DNM3: variants seen among roughly 807,000 people sequenced by gnomAD.
DNM3 encodes the protein dynamin-3.
A neutral mutation model predicts 101.6 loss-of-function variants in DNM3; 47 were observed. That is an observed-to-expected ratio of 0.46 (90% CI 0.37 to 0.59). The LOEUF is 0.59. Ranked by LOEUF, DNM3 falls within the 20% of genes least tolerant of loss-of-function variation. The pLI is 0.00. For synonymous variants in DNM3, 385 were observed against 387.9 expected (o/e 0.99, Z 0.09); for missense variants, 849 against 1,085.7 (o/e 0.78, Z 3.06).
intron 2 of DNM3, among the ~76,000 whole-genome samples, chr1:171,973,900 C>T (rs1395574419): frequency 1.3e-5 from 2 of 151,958 alleles, no homozygotes; most frequent in East Asian, 3.9e-4. Context: ...CCTGAGCTCA[C>T]GTGATCCTCC....
rs187497237 is a variant in DNM3, at chr1:172,080,574, G to A, written c.1423-1258G>A. Among the ~76,000 whole-genome samples, 315 of 152,298 alleles carry A rather than the reference G, an allele frequency of 2.1e-3. No homozygotes were observed. In the Middle Eastern group the frequency reaches 0.024, roughly 12 times the overall value. ...AGCTTGCTGGGCTTCATGGGGGTGG[G>A]ATCCGCTGACCTAGACCACTTGGCT... is the stretch of plus-strand genomic sequence containing the variant. On this transcript the variant is annotated intron_variant, in intron 11 of 20. Coordinates refer to ENST00000627582, the MANE Select transcript of DNM3 (RefSeq NM_015569.5).
rs1158896932 is a variant in DNM3, at chr1:172,177,548, G to A, written c.1659+46260G>A. Among the ~76,000 whole-genome samples the A allele has an allele frequency of 2.6e-5, 4 of 151,880 alleles. No homozygotes were observed. In the East Asian group the frequency reaches 5.8e-4, roughly 22 times the overall value. On this transcript the variant is annotated intron_variant, in intron 14 of 20. Coordinates refer to ENST00000627582, the MANE Select transcript of DNM3 (RefSeq NM_015569.5). ...AAAACCAAGTTGGATAATTGAAAAT[G>A]TTGAGAAAGAAGTTTAGGATAAAGG...
intron 15 of DNM3, among the ~76,000 whole-genome samples, chr1:172,272,365 T>A (rs184153534): frequency 6.6e-6 from 1 of 152,048 alleles, no homozygotes; most frequent in Admixed American, 6.6e-5. Context: ...TATCCTTAAG[T>A]GAAACTTGCT....
intron 3 of DNM3, among the ~76,000 whole-genome samples, chr1:171,988,540 A>C (rs1197008296): frequency 6.6e-6 from 1 of 152,130 alleles, no homozygotes; most frequent in Non-Finnish European, 1.5e-5. Flanking sequence ...TCTATTAAAA[A>C]AAAAAAATGA....
chr1:171,869,582 A>G (rs2035082796), intron 1 of DNM3, among the ~76,000 whole-genome samples: 2 of 152,152 alleles, frequency 1.3e-5, no homozygotes, highest in Non-Finnish European at 2.9e-5. Flanking sequence ...TAAGCTCTTG[A>G]CCTGAATTTT....
chr1:172,345,445 AT>A (rs2066883589), intron 17 of DNM3, among the ~76,000 whole-genome samples: 1 of 152,320 alleles, frequency 6.6e-6, no homozygotes, highest in Non-Finnish European at 1.5e-5. Flanking sequence ...CTCCTTATTA[AT>A]TTGGCTCCAA....
At chr1:172,105,089 T>C (rs1161942464) in intron 13 of DNM3, among the ~76,000 whole-genome samples, 1 of 152,250 alleles carries the variant, frequency 6.6e-6, no homozygotes, top group Non-Finnish European at 1.5e-5. Context: ...ATTATTATTT[T>C]ATTCCAAAGG....
intron 2 of DNM3, among the ~76,000 whole-genome samples, chr1:171,929,705 C>T (rs1571670436): frequency 1.3e-5 from 2 of 152,180 alleles, no homozygotes; most frequent in Non-Finnish European, 2.9e-5. Flanking sequence ...CCTCTAGGAG[C>T]TCCATCCCAG....
At chr1:172,283,485 G>A (rs192801855) in intron 15 of DNM3, among the ~76,000 whole-genome samples, 2 of 152,182 alleles carry the variant, frequency 1.3e-5, no homozygotes, top group Admixed American at 1.3e-4. Context: ...AGTCAGGCTG[G>A]GCATGGTGGC....
chr1:172,189,795 A>G (rs2059642011), intron 14 of DNM3, among the ~76,000 whole-genome samples: 1 of 151,942 alleles, frequency 6.6e-6, no homozygotes. Flanking sequence ...CAGAAGGTGA[A>G]AGGGGAGCAG....
chr1:172,045,626 G>C (rs2049734345), intron 9 of DNM3, among the ~76,000 whole-genome samples: 1 of 152,116 alleles, frequency 6.6e-6, no homozygotes, highest in African/African-American at 2.4e-5. Flanking sequence ...ACTATGATAA[G>C]AACAAATGAT....
intron 14 of DNM3, among the ~76,000 whole-genome samples, chr1:172,221,328 C>G (rs896149881): frequency 1.3e-5 from 2 of 152,070 alleles, no homozygotes; most frequent in African/African-American, 4.8e-5. Context: ...CCCTCATTAG[C>G]CCTATGACTT....
At chr1:172,258,411 T>A (rs555819610) in intron 15 of DNM3, among the ~76,000 whole-genome samples, 1 of 152,076 alleles carries the variant, frequency 6.6e-6, no homozygotes, top group African/African-American at 2.4e-5. Flanking sequence ...TTTCTCCACA[T>A]CCTCACCGCC....
chr1:172,076,092 C>T (rs1170379754), intron 11 of DNM3, among the ~76,000 whole-genome samples: 3 of 152,084 alleles, frequency 2.0e-5, no homozygotes, highest in Admixed American at 6.5e-5. Flanking sequence ...AATGGGAGTT[C>T]GCTCATGATT....
chr1:172,050,728 A>G (rs1329159031), intron 10 of DNM3, among the ~76,000 whole-genome samples: 2 of 152,206 alleles, frequency 1.3e-5, no homozygotes, highest in Admixed American at 6.6e-5. Flanking sequence ...GAAATCATAG[A>G]TGAAGGATGT....
At chr1:172,118,246 A>T (rs564137431) in intron 13 of DNM3, among the ~76,000 whole-genome samples, 2 of 152,200 alleles carry the variant, frequency 1.3e-5, no homozygotes, top group Admixed American at 1.3e-4. Flanking sequence ...AGGATTGGCT[A>T]CTAACACTTA....
chr1:172,375,570 A>G (rs1024918534), intron 17 of DNM3, among the ~76,000 whole-genome samples: 1 of 152,086 alleles, frequency 6.6e-6, no homozygotes, highest in Non-Finnish European at 1.5e-5. Flanking sequence ...CTATGACATG[A>G]TTAAATAAGA....
intron 1 of DNM3, among the ~76,000 whole-genome samples, chr1:171,851,901 A>G (rs1057038126): frequency 3.3e-5 from 5 of 152,216 alleles, no homozygotes; most frequent in Non-Finnish European, 5.9e-5. Flanking sequence ...TGTAAAATGT[A>G]TTTCTTACTA....
At chr1:172,364,097 A>G (rs1472923712) in intron 17 of DNM3, among the ~76,000 whole-genome samples, 1 of 151,972 alleles carries the variant, frequency 6.6e-6, no homozygotes, top group Non-Finnish European at 1.5e-5. Context: ...CTCCCCAAAT[A>G]CAGGGTAAAC....
Sources: allele counts gnomAD v4.1 joint callset (sites outside exome capture counted in the v4.1 genomes callset), GRCh38; gene constraint gnomAD v4.1.1; transcripts MANE v1.5; gene names NCBI Gene and HGNC (gene_info 2026-07-23, HGNC 2026-07-21).